The following ZNF346 variants were observed in gnomAD, a reference collection of about 807,000 sequenced individuals.
ZNF346 encodes the protein double-stranded RNA-binding zinc finger protein JAZ.
ZNF346 carries 23 observed loss-of-function variants against 33.7 expected under a neutral mutation model. The observed-to-expected ratio is 0.68, with a 90% CI of 0.49 to 0.97. The LOEUF (loss-of-function observed/expected upper bound fraction) is 0.97. ZNF346 is among the 50% of genes least tolerant of loss of function. The pLI is 0.00. For missense variants in ZNF346, 340 were observed against 371.1 expected, an observed-to-expected ratio of 0.92 and a Z score of 0.69; for synonymous variants, 134 against 142.4, an observed-to-expected ratio of 0.94 and a Z score of 0.42.
At chr5:177,029,469 T>C (rs1777364686) in intron 1 of ZNF346, among the ~76,000 whole-genome samples, 1 of 152,160 alleles carries the variant, frequency 6.6e-6, no homozygotes, top group South Asian at 2.1e-4. Context: ...TCCAAAACTT[T>C]GAGAGGCCAA....
At chr5:177,032,415 G>A (rs577749862) in intron 1 of ZNF346, among the ~76,000 whole-genome samples, 1 of 150,936 alleles carries the variant, frequency 6.6e-6, no homozygotes, top group Non-Finnish European at 1.5e-5. Flanking sequence ...ACTGCACGCA[G>A]CTTTTTTTTT....
chr5:177,080,652 A>G (rs531700548), exon 9 of ZNF346: 23 of 152,370 alleles, frequency 1.5e-4, no homozygotes, highest in African/African-American at 5.5e-4. Flanking sequence ...TACCAAAAAT[A>G]CAAAAATTAG....
At chr5:177,051,178 T>TTC (rs1483290738) in intron 5 of ZNF346, among the ~76,000 whole-genome samples, 2 of 143,298 alleles carry the variant, frequency 1.4e-5, no homozygotes, top group African/African-American at 2.6e-5. Flanking sequence ...TTCTTTTTTT[T>TTC]TTTTTTTTTT....
chr5:177,060,497 T>TC (rs949861608), intron 5 of ZNF346, among the ~76,000 whole-genome samples: 7 of 148,488 alleles, frequency 4.7e-5, no homozygotes, highest in Non-Finnish European at 7.4e-5. Context: ...AGAATGAGAC[T>TC]CCATCTCAAA....
rs1782988790 is a variant in ZNF346, at chr5:177,064,748, T to A, written c.*149T>A. On this transcript the variant is annotated 3_prime_UTR_variant, in exon 7 of 7. Transcript: ENST00000358149. ...TGGGCCACAGACAGCCTCTCATTGGTCCGGGCTAATTCACTCCTGCTGCTC... is the reference window on the plus strand; with the variant it reads ...TGGGCCACAGACAGCCTCTCATTGGACCGGGCTAATTCACTCCTGCTGCTC... 1.5e-6 allele frequency: 1 copy of A among 661,690 alleles called. No individual in the cohort carries two copies. Among genetic ancestry groups the A allele is most frequent in the East Asian group, 2.7e-5 (1 of 37,206 alleles). 41.0% of individuals were successfully genotyped at this position (661,690 alleles called of 1,614,324 possible).
rs113628475 is a variant in ZNF346, at chr5:177,026,491, C to T, written c.175+3578C>T. Among the ~76,000 whole-genome samples, 1,082 of 151,206 alleles carry T rather than the reference C, an allele frequency of 7.2e-3. 14 individuals are homozygous for T. The highest frequency in any genetic ancestry group is 0.024 in the African/African-American group (997 of 41,106). On this transcript the variant is annotated intron_variant, in intron 1 of 6. Coordinates refer to ENST00000358149, the MANE Select transcript of ZNF346 (RefSeq NM_012279.4). ...TCTCCCGCCTCAGCCTCCTGAGTAG[C>T]TGGGATTACAGGAGGGTGCTACCAC...
chr5:177,064,655 C>A lies in ZNF346; in HGVS notation c.*56C>A. ...CCAGCCATGAGCCAGCTTCCCGTGACTGCTCAGCCCTTGGCTCCCTCTTGC... is the reference window on the plus strand; with the variant it reads ...CCAGCCATGAGCCAGCTTCCCGTGAATGCTCAGCCCTTGGCTCCCTCTTGC... On this transcript the variant is annotated 3_prime_UTR_variant, in exon 7 of 7. Transcript: ENST00000358149. The A allele has an allele frequency of 7.1e-7, 1 of 1,399,104 alleles. No homozygotes were observed. Among genetic ancestry groups the A allele is most frequent in the Non-Finnish European group, 1.0e-6 (1 of 984,070 alleles). The allele number at this position is 1,399,104 out of a possible 1,614,324, so 86.7% of individuals were successfully genotyped here.
chr5:177,050,831 G>T lies in ZNF346; in HGVS notation c.598G>T (p.Ala200Ser). The change falls in exon 5 of 7, where the codon GCT becomes TCT. Residue 200 changes from alanine (A) to serine (S), a missense_variant. By Grantham distance (99) the Ala-to-Ser change is moderately conservative. Coordinates refer to ENST00000358149, the MANE Select transcript of ZNF346 (RefSeq NM_012279.4). ...TGCAACTTTCAACGACCCTGTCATG[G>T]CTCAACAACATTATGTGGGCAAGAA... is the stretch of plus-strand genomic sequence containing the variant. ...CHATFNDPVMAQQHYVGKKHR... is the reference protein window; with the variant it reads ...CHATFNDPVMSQQHYVGKKHR... The T allele has an allele frequency of 6.2e-7, 1 of 1,614,158 alleles. No homozygotes were observed. The highest frequency in any genetic ancestry group is 8.5e-7 in the Non-Finnish European group (1 of 1,180,024).
At chr5:177,071,125 G>C (rs998018196), downstream of ZNF346, among the ~76,000 whole-genome samples, 2 of 152,146 alleles carry the variant, frequency 1.3e-5, no homozygotes, top group African/African-American at 4.8e-5. Flanking sequence ...CTAAGTGTTG[G>C]TCTGAGCACT....
intron 8 of ZNF346, among the ~76,000 whole-genome samples, chr5:177,076,587 T>C (rs961052686): frequency 6.6e-6 from 1 of 152,170 alleles, no homozygotes; most frequent in African/African-American, 2.4e-5. Flanking sequence ...TCATTTTCCA[T>C]TCACTGCTCC....
chr5:177,033,873 A>G (rs1778087390), intron 1 of ZNF346, among the ~76,000 whole-genome samples: 1 of 152,168 alleles, frequency 6.6e-6, no homozygotes, highest in Admixed American at 6.6e-5. Flanking sequence ...GGTCACATGT[A>G]GGCCTAAGGA....
intron 4 of ZNF346, 93 bp from the exon 5 acceptor site, chr5:177,050,658 C>A (rs1485995120): frequency 2.8e-6 from 4 of 1,433,142 alleles, no homozygotes; most frequent in African/African-American, 1.4e-5. Context: ...AGCCTGACAC[C>A]TTCTGGGTTT....
At chr5:177,054,060 T>C (rs898453369) in intron 5 of ZNF346, among the ~76,000 whole-genome samples, 2 of 148,840 alleles carry the variant, frequency 1.3e-5, no homozygotes, top group African/African-American at 2.5e-5. Context: ...AACTTATGAA[T>C]TGTTTACTTC....
At chr5:177,026,575 T>G (rs1776816982) in intron 1 of ZNF346, among the ~76,000 whole-genome samples, 1 of 152,094 alleles carries the variant, frequency 6.6e-6, no homozygotes, top group South Asian at 2.1e-4. Flanking sequence ...TTGGCCAGAC[T>G]GGTCTTGAAC....
At chr5:177,053,894 G>A (rs1020551726) in intron 5 of ZNF346, among the ~76,000 whole-genome samples, 2 of 151,964 alleles carry the variant, frequency 1.3e-5, no homozygotes, top group Non-Finnish European at 2.9e-5. Context: ...CTCTATATAC[G>A]GTGTTTTTCT....
intron 1 of ZNF346, among the ~76,000 whole-genome samples, chr5:177,033,323 C>G (rs1777994329): frequency 6.6e-6 from 1 of 152,202 alleles, no homozygotes; most frequent in Non-Finnish European, 1.5e-5. Context: ...AAGCAATCCT[C>G]TAGCCTCAGT....
rs781744965 is a variant in ZNF346 at position 177,024,200 on chromosome 5, C to CTTTTT, written c.175+1303_175+1307dup. Among the ~76,000 whole-genome samples, 507 of 86,844 alleles carry CTTTTT rather than the reference C, an allele frequency of 5.8e-3. 28 individuals are homozygous for CTTTTT. Among genetic ancestry groups the CTTTTT allele is most frequent in the Middle Eastern group, 0.016 (1 of 64 alleles). 57.0% of individuals were successfully genotyped at this position (86,844 alleles called of 152,430 possible). ...CACACTATTTCTGGGGCCCTCTCTC[C>CTTTTT]TTTTTTTTTTTTTTTTTTTTGAGAG... On this transcript the variant is annotated intron_variant, in intron 1 of 6. Transcript: ENST00000358149.
chr5:177,044,226 A>T, intron 3 of ZNF346, 163 bp from the exon 4 acceptor site: 1 of 712,794 alleles, frequency 1.4e-6, no homozygotes, highest in Non-Finnish European at 2.3e-6. Context: ...GATGGTGAGT[A>T]GAGTCTGGGA....
At chr5:177,070,856 C>T (rs766740179), downstream of ZNF346, among the ~76,000 whole-genome samples, 3 of 151,280 alleles carry the variant, frequency 2.0e-5, no homozygotes, top group Non-Finnish European at 4.4e-5. Context: ...CCCTCCACTA[C>T]TGGGGAGCCC....
Sources: gnomAD v4.1 joint callset for allele counts (sites outside exome capture counted in the v4.1 genomes callset) on GRCh38, gnomAD v4.1.1 for gene constraint, MANE v1.5 for transcripts, NCBI Gene and HGNC (gene_info 2026-07-23, HGNC 2026-07-21) for gene names.